TXK: variants seen among roughly 807,000 people sequenced by gnomAD.
TXK encodes tyrosine-protein kinase TXK.
A neutral mutation model predicts 81.0 loss-of-function variants in TXK; 60 were observed. The ratio of observed to expected loss-of-function variants is 0.74; its 90% CI spans 0.60 to 0.92. TXK has a LOEUF of 0.92. TXK is among the 40% of genes least tolerant of loss of function. TXK has a pLI of 0.00. For missense variants in TXK, 581 were observed against 638.3 expected (o/e 0.91, Z 0.97); for synonymous variants, 203 against 210.7 (o/e 0.96, Z 0.32).
intron 14 of TXK, 121 bp from the exon 15 acceptor site, chr4:48,067,826 G>A (rs980068044): frequency 1.0e-6 from 1 of 969,856 alleles, no homozygotes; most frequent in Non-Finnish European, 1.6e-6. Flanking sequence ...CATCGCCAAG[G>A]TCTGATTTTT....
rs1290915921 is a variant in TXK, at chr4:48,067,058, G to T, written c.*579C>A. The T allele has an allele frequency of 6.6e-6, 1 of 152,400 alleles. No individual in the cohort carries two copies. 9.4% of individuals were successfully genotyped at this position (152,400 alleles called of 1,614,324 possible). On this transcript the variant is annotated 3_prime_UTR_variant, in exon 15 of 15. Coordinates refer to ENST00000264316, the MANE Select transcript of TXK (RefSeq NM_003328.3). ...AACTGCTTTCAATATAATCAGATATGTGCAAAAACAATTTGTTAAATAACA... is the reference window on the plus strand; with the variant it reads ...AACTGCTTTCAATATAATCAGATATTTGCAAAAACAATTTGTTAAATAACA...
chr4:48,089,610 T>C (rs1717678069), intron 9 of TXK, 140 bp downstream of exon 9: 2 of 597,474 alleles, frequency 3.3e-6, no homozygotes, highest in Non-Finnish European at 3.1e-6. Flanking sequence ...CAGGGTGGTC[T>C]TGAACGCCTG....
intron 1 of TXK, chr4:48,114,675 T>C (rs1192769488): frequency 1.5e-5 from 6 of 395,112 alleles, no homozygotes; most frequent in Non-Finnish European, 2.8e-5. Flanking sequence ...TGTATTCTCT[T>C]TTACCTTTGT....
intron 6 of TXK, among the ~76,000 whole-genome samples, chr4:48,100,379 A>G (rs1393200290): frequency 1.3e-5 from 2 of 152,168 alleles, no homozygotes; most frequent in Non-Finnish European, 2.9e-5. Context: ...AACCCAATAG[A>G]AAACTATGCA....
rs572076421 is a variant in TXK at position 48,107,378 on chromosome 4, A to AC, written c.447-2424dup. Among the ~76,000 whole-genome samples the AC allele has an allele frequency of 2.6e-3, 393 of 150,502 alleles. 4 individuals are homozygous for AC. The highest frequency in any genetic ancestry group is 9.3e-3 in the African/African-American group (380 of 40,832). On this transcript the variant is annotated intron_variant, in intron 5 of 14. Coordinates refer to ENST00000264316, the MANE Select transcript of TXK (RefSeq NM_003328.3). ...ATTGACACAGCATTCCTTCCACCAT[A>AC]CCCCACCCTCCCCCCAAAACACACA... is the stretch of plus-strand genomic sequence containing the variant.
intron 10 of TXK, among the ~76,000 whole-genome samples, chr4:48,082,889 A>G (rs1717364416): frequency 6.6e-6 from 1 of 152,114 alleles, no homozygotes; most frequent in African/African-American, 2.4e-5. Flanking sequence ...GGGGAAGATC[A>G]TCTTCCTACC....
chr4:48,094,367 T>G (rs1717899881), intron 7 of TXK, among the ~76,000 whole-genome samples, 163 bp from the exon 8 acceptor site: 1 of 152,148 alleles, frequency 6.6e-6, no homozygotes, highest in Non-Finnish European at 1.5e-5. Context: ...GCCAAGAAAA[T>G]TCCTCAACTA....
chr4:48,092,831 C>T (rs143953017), intron 8 of TXK, among the ~76,000 whole-genome samples: 146 of 152,232 alleles, frequency 9.6e-4, no homozygotes, highest in African/African-American at 3.3e-3. Flanking sequence ...AGACGGAGGT[C>T]GCTCATGCCT....
In TXK at chr4:48,067,694, G is replaced by A. The variant is rs1421070446; in HGVS notation, c.1527C>T (p.Gly509=). Residue 509 remains glycine (G), a synonymous_variant, in exon 15 of 15, where the codon GGC becomes GGT. Coordinates refer to ENST00000264316, the MANE Select transcript of TXK (RefSeq NM_003328.3). ...MYSCWHEKPE[G]RPTFAELLRA... is the part of the protein sequence containing the mutation. ...GCAGCAGCTCGGCAAATGTAGGGCG[G>A]CCTTCAGGTTTCTGGAAAAGGGAAG... The A allele has an allele frequency of 6.2e-7, 1 of 1,614,108 alleles. No individual in the cohort carries two copies. Among genetic ancestry groups the A allele is most frequent in the Non-Finnish European group, 8.5e-7 (1 of 1,179,990 alleles).
At chr4:48,120,439 A>G (rs1718927218) in intron 1 of TXK, among the ~76,000 whole-genome samples, 1 of 150,632 alleles carries the variant, frequency 6.6e-6, no homozygotes, top group South Asian at 2.1e-4. Context: ...GCGTGATCTT[A>G]TTTCCCTCAT....
chr4:48,071,956 C>CT (rs33963487), intron 13 of TXK, among the ~76,000 whole-genome samples: 100,960 of 137,604 alleles, frequency 0.73, 38,224 homozygotes, highest in Admixed American at 0.8. Flanking sequence ...ATTTTCTTTT[C>CT]TTTTTTTTTT....
chr4:48,068,145 G>A (rs1047757450), intron 14 of TXK, among the ~76,000 whole-genome samples: 7 of 152,230 alleles, frequency 4.6e-5, no homozygotes, highest in South Asian at 2.1e-4. Flanking sequence ...TTACTCAGTC[G>A]TGCTAGCCAC....
intron 11 of TXK, among the ~76,000 whole-genome samples, chr4:48,076,738 C>T (rs1717083945): frequency 6.6e-6 from 1 of 152,144 alleles, no homozygotes; most frequent in Admixed American, 6.5e-5. Context: ...AAACCATCCT[C>T]CCACCTTAGC....
rs543262747 is a variant in TXK, at chr4:48,091,987, A to T, written c.709+2090T>A. Reference sequence around the variant, plus strand: ...GGAGACACATTTAGGATATGAAATCAATTGCATTTGATAATTAATCAGAAG... The same window carrying T: ...GGAGACACATTTAGGATATGAAATCTATTGCATTTGATAATTAATCAGAAG... On this transcript the variant is annotated intron_variant, in intron 8 of 14. Transcript: ENST00000264316. Among the ~76,000 whole-genome samples the T allele has an allele frequency of 2.0e-5, 3 of 152,328 alleles. No individual in the cohort carries two copies. The South Asian group carries it at 6.2e-4, about 32-fold the overall frequency.
At chr4:48,129,728 T>C (rs1337970568) in intron 1 of TXK, among the ~76,000 whole-genome samples, 2 of 152,192 alleles carry the variant, frequency 1.3e-5, no homozygotes, top group Non-Finnish European at 2.9e-5. Context: ...TTTTCTTTCT[T>C]TCTCAGAAGG....
At chr4:48,072,047 G>A (rs947272859) in intron 13 of TXK, among the ~76,000 whole-genome samples, 6 of 150,336 alleles carry the variant, frequency 4.0e-5, no homozygotes, top group African/African-American at 1.5e-4. Flanking sequence ...TCTGTCTACC[G>A]GGCTGGAGTG....
intron 10 of TXK, among the ~76,000 whole-genome samples, chr4:48,086,148 C>G (rs1401283196): frequency 1.3e-5 from 2 of 152,236 alleles, no homozygotes; most frequent in Non-Finnish European, 2.9e-5. Flanking sequence ...AAATGAGCCA[C>G]CCTCTTCACA....
intron 11 of TXK, 91 bp downstream of exon 11, chr4:48,079,821 A>C: frequency 1.1e-6 from 1 of 892,364 alleles, no homozygotes; most frequent in East Asian, 2.4e-5. Context: ...TAAATCAAGG[A>C]CACATTATTC....
intron 10 of TXK, among the ~76,000 whole-genome samples, chr4:48,083,704 G>A (rs1163244355): frequency 6.6e-6 from 1 of 152,204 alleles, no homozygotes; most frequent in Non-Finnish European, 1.5e-5. Flanking sequence ...CCAACTACAT[G>A]CTAGTCATCC....
Sources: gnomAD v4.1 joint callset for allele counts (sites outside exome capture counted in the v4.1 genomes callset) on GRCh38, gnomAD v4.1.1 for gene constraint, MANE v1.5 for transcripts, NCBI Gene and HGNC (gene_info 2026-07-23, HGNC 2026-07-21) for gene names.